Variants in PDZD2 observed in about 807,000 individuals in gnomAD.
PDZD2 encodes PDZ domain containing 2, also known as PDZ domain-containing protein 2.
Under a neutral mutation model 220.7 loss-of-function variants are expected in PDZD2, and 90 were observed. The observed-to-expected ratio is 0.41, with a 90% CI of 0.34 to 0.49. The LOEUF (loss-of-function observed/expected upper bound fraction) is 0.49. PDZD2 is among the 20% of genes least tolerant of loss of function. The pLI, the probability that PDZD2 is intolerant of heterozygous loss-of-function variation, is 0.28. For missense variants in PDZD2, 3,174 were observed against 3,608.5 expected, an observed-to-expected ratio of 0.88 and a Z score of 3.08; for synonymous variants, 1,375 against 1,450.5, an observed-to-expected ratio of 0.95 and a Z score of 1.18.
chr5:31,713,299 C>T (rs1748237888), intron 1 of PDZD2, among the ~76,000 whole-genome samples: 1 of 152,238 alleles, frequency 6.6e-6, no homozygotes. Flanking sequence ...CTGCCTCCTT[C>T]TCTACGCTCT....
intron 2 of PDZD2, among the ~76,000 whole-genome samples, chr5:31,818,737 T>C (rs1409160568): frequency 6.6e-6 from 1 of 152,202 alleles, no homozygotes; most frequent in East Asian, 1.9e-4. Flanking sequence ...CTAATTTTTA[T>C]TTATTTCAAT....
At chr5:32,102,145 T>TAA (rs35719549) in intron 24 of PDZD2, among the ~76,000 whole-genome samples, 4 of 150,822 alleles carry the variant, frequency 2.7e-5, no homozygotes, top group Non-Finnish European at 4.4e-5. Context: ...TAGTTACACT[T>TAA]AAAAAAAAAC....
intron 1 of PDZD2, among the ~76,000 whole-genome samples, chr5:31,716,827 G>T (rs1748479294): frequency 6.6e-6 from 1 of 152,178 alleles, no homozygotes; most frequent in Admixed American, 6.5e-5. Context: ...AATAGAATTG[G>T]CAAGTTTGAA....
At position 31,878,555 on chromosome 5, in the gene PDZD2, C is replaced by CTTTTTT. The variant is rs397884384; in HGVS notation, c.476+78850_476+78855dup. On this transcript the variant is annotated intron_variant, in intron 2 of 24. Coordinates refer to ENST00000438447, the MANE Select transcript of PDZD2 (RefSeq NM_178140.4). ...TTCTTTGGTGGTCAGATGACCTCGG[C>CTTTTTT]TTTTTTTTTTTTTTTTTTTTTTTTG... 2.3e-3 allele frequency among the ~76,000 whole-genome samples: 110 copies of CTTTTTT among 48,192 alleles called. 15 individuals are homozygous for CTTTTTT. The highest frequency in any genetic ancestry group is 4.6e-3 in the African/African-American group (66 of 14,366). The allele number at this position is 48,192 out of a possible 152,430, so 31.6% of individuals were successfully genotyped here.
intron 6 of PDZD2, among the ~76,000 whole-genome samples, chr5:32,023,650 C>T (rs1754400320): frequency 6.6e-6 from 1 of 152,194 alleles, no homozygotes. Flanking sequence ...CCTAAGATGT[C>T]TCTCTCTGTC....
At chr5:31,958,484 C>G (rs1747928938) in intron 2 of PDZD2, among the ~76,000 whole-genome samples, 1 of 152,074 alleles carries the variant, frequency 6.6e-6, no homozygotes, top group African/African-American at 2.4e-5. Context: ...GAACTCCTGA[C>G]CTCAAGTGAT....
At chr5:31,707,704 T>C (rs1368132224) in intron 1 of PDZD2, among the ~76,000 whole-genome samples, 1 of 152,188 alleles carries the variant, frequency 6.6e-6, no homozygotes, top group Admixed American at 6.5e-5. Context: ...CATACTTCAC[T>C]GTAGCATCAA....
chr5:32,004,903 C>T (rs540614018), intron 5 of PDZD2, among the ~76,000 whole-genome samples: 88 of 152,314 alleles, frequency 5.8e-4, no homozygotes, highest in African/African-American at 2.1e-3. Context: ...GGCCCTTGGG[C>T]ATCTGTACTG....
chr5:32,060,961 T>C, intron 13 of PDZD2, 41 bp from the exon 14 acceptor site: 2 of 1,610,198 alleles, frequency 1.2e-6, no homozygotes. Context: ...TTTAAGAAGC[T>C]GGCTGCTAAC....
intron 2 of PDZD2, among the ~76,000 whole-genome samples, chr5:31,944,693 G>C (rs1746479352): frequency 6.6e-6 from 1 of 152,182 alleles, no homozygotes; most frequent in South Asian, 2.1e-4. Context: ...TGGAAGCTCA[G>C]GCTCTGGGAG....
chr5:32,090,543 C>T lies in PDZD2; in HGVS notation c.7095C>T (p.Ser2365=), dbSNP rs771420236. The T allele has an allele frequency of 6.2e-7, 1 of 1,613,932 alleles. No homozygotes were observed. Among genetic ancestry groups the T allele is most frequent in the South Asian group, 1.1e-5 (1 of 91,066 alleles). Residue 2365 remains serine (S), a synonymous_variant, in exon 20 of 25, where the codon TCC becomes TCT. Coordinates refer to ENST00000438447, the MANE Select transcript of PDZD2 (RefSeq NM_178140.4). This position sits in a 1 kb window ranked among gnomAD's most constrained non-coding sequence, Gnocchi z 4.3. ...CTTCCCCATTTTTGTCGGTGAGCTC[C>T]AAGCCTCCCATTGGGAGGCGGTCTT... The part of the protein sequence containing the change: ...SGASPFLSVS[S]KPPIGRRSSG...
chr5:31,832,996 C>A (rs114204544), intron 2 of PDZD2, among the ~76,000 whole-genome samples: 1 of 152,074 alleles, frequency 6.6e-6, no homozygotes, highest in African/African-American at 2.4e-5. Flanking sequence ...CATGAGCAGG[C>A]CTGACCAACC....
At chr5:31,835,959 T>C (rs1290907972) in intron 2 of PDZD2, among the ~76,000 whole-genome samples, 1 of 152,202 alleles carries the variant, frequency 6.6e-6, no homozygotes, top group Non-Finnish European at 1.5e-5. Context: ...CATCACTCAT[T>C]GACAATGTAG....
chr5:31,814,196 A>G (rs1225510453), intron 2 of PDZD2, among the ~76,000 whole-genome samples: 1 of 152,214 alleles, frequency 6.6e-6, no homozygotes, highest in Non-Finnish European at 1.5e-5. Context: ...ATATCAGGTA[A>G]CAGTAGCTTT....
At chr5:31,767,829 G>T (rs1752116849) in intron 1 of PDZD2, among the ~76,000 whole-genome samples, 1 of 152,156 alleles carries the variant, frequency 6.6e-6, no homozygotes, top group Non-Finnish European at 1.5e-5. Context: ...CTCCTTAAAA[G>T]GATTTATTCA....
chr5:31,799,237 G>A lies in PDZD2; in HGVS notation c.-12G>A, dbSNP rs1014771332. 1.3e-6 allele frequency: 2 copies of A among 1,561,824 alleles called. No individual in the cohort carries two copies. The highest frequency in any genetic ancestry group is 1.7e-6 in the Non-Finnish European group (2 of 1,145,746). On this transcript the variant is annotated 5_prime_UTR_variant, in exon 2 of 25. It introduces an in-frame stop codon into an upstream open reading frame of the 5' UTR. Transcript: ENST00000438447. ...AGACCTCTGATGATGCTGGTGTCTG[G>A]GAGTGAGCACCATGCCCATCACCCA... is the stretch of plus-strand genomic sequence containing the variant.
intron 1 of PDZD2, among the ~76,000 whole-genome samples, chr5:31,671,255 C>T (rs964319744): frequency 2.6e-5 from 4 of 152,144 alleles, no homozygotes; most frequent in African/African-American, 9.7e-5. Context: ...ATGATTTCAT[C>T]AGGGGCATTA....
At chr5:31,797,165 G>T (rs1210932683) in intron 1 of PDZD2, among the ~76,000 whole-genome samples, 1 of 123,126 alleles carries the variant, frequency 8.1e-6, no homozygotes, top group Non-Finnish European at 1.6e-5. Context: ...GGATGGTCTT[G>T]ATCTCCTGAC....
chr5:32,039,180 G>T (rs189082238), intron 7 of PDZD2, among the ~76,000 whole-genome samples: 2 of 151,962 alleles, frequency 1.3e-5, no homozygotes, highest in East Asian at 3.9e-4. Flanking sequence ...ATCTCGGCTC[G>T]CTGCAACCTC....
Sources: allele counts gnomAD v4.1 joint callset (sites outside exome capture counted in the v4.1 genomes callset), GRCh38; gene constraint gnomAD v4.1.1; non-coding constraint Gnocchi (gnomAD v3.1); transcripts MANE v1.5; gene names NCBI Gene and HGNC (gene_info 2026-07-23, HGNC 2026-07-21).